PCDHA8: variants seen among roughly 807,000 people sequenced by gnomAD.
The protein encoded by PCDHA8 is protocadherin alpha 8, also known as protocadherin alpha-8.
Under a neutral mutation model 61.8 loss-of-function variants are expected in PCDHA8, and 53 were observed. The ratio of observed to expected loss-of-function variants is 0.86; its 90% CI spans 0.69 to 1.08. The LOEUF is 1.08. Among genes scored for constraint, PCDHA8 ranks in the 50% least tolerant of loss-of-function variants. The pLI is 0.00. For missense variants in PCDHA8, 1,293 were observed against 1,245.0 expected, an observed-to-expected ratio of 1.04 and a Z score of -0.58; for synonymous variants, 618 against 556.6, an observed-to-expected ratio of 1.11 and a Z score of -1.55.
At chr5:140,956,565 A>G (rs190736286) in intron 1 of PCDHA8, among the ~76,000 whole-genome samples, 2 of 152,284 alleles carry the variant, frequency 1.3e-5, no homozygotes, top group Non-Finnish European at 2.9e-5. Flanking sequence ...TATCTTATTG[A>G]GGATTTTTGC....
At chr5:140,925,966 A>G (rs782294082) in intron 1 of PCDHA8, among the ~76,000 whole-genome samples, 2 of 149,366 alleles carry the variant, frequency 1.3e-5, no homozygotes, top group Non-Finnish European at 3.0e-5. Flanking sequence ...CTATCACGCA[A>G]AAAAAAAGCC....
At chr5:140,975,208 G>A (rs1449804050) in intron 1 of PCDHA8, among the ~76,000 whole-genome samples, 1 of 152,170 alleles carries the variant, frequency 6.6e-6, no homozygotes, top group African/African-American at 2.4e-5. Context: ...TTCATGGCTG[G>A]CACTGGAGAA....
intron 1 of PCDHA8, among the ~76,000 whole-genome samples, chr5:140,948,234 T>G (rs1011132417): frequency 6.6e-6 from 1 of 151,670 alleles, no homozygotes; most frequent in African/African-American, 2.4e-5. Flanking sequence ...TTAACTTGTA[T>G]TTTAGTAAAT....
At position 141,011,042 on chromosome 5, in the gene PCDHA8, T is replaced by G. The variant is rs915588789; in HGVS notation, c.*1105T>G. 6.5e-6 allele frequency: 1 copy of G among 153,796 alleles called. No individual in the cohort carries two copies. The highest frequency in any genetic ancestry group is 2.4e-5 in the African/African-American group (1 of 41,464). The allele number at this position is 153,796 out of a possible 1,614,324, so 9.5% of individuals were successfully genotyped here. A position where few individuals can be genotyped will look rare whatever the true frequency, so the allele number is the denominator to read the frequency against. On this transcript the variant is annotated 3_prime_UTR_variant, in exon 4 of 4. Transcript: ENST00000531613. ...TCACAGCTTTACTCTTTCAGGTCACTCTGGGGCTGCCTCTTGCATGTATTA... is the reference window on the plus strand; with the variant it reads ...TCACAGCTTTACTCTTTCAGGTCACGCTGGGGCTGCCTCTTGCATGTATTA...
chr5:140,929,995 C>A (rs543771321), intron 1 of PCDHA8: 1 of 152,108 alleles, frequency 6.6e-6, no homozygotes, highest in Admixed American at 6.5e-5. Context: ...GGAATGACAC[C>A]CTAAAACATA....
intron 1 of PCDHA8, among the ~76,000 whole-genome samples, chr5:140,933,797 A>G (rs1419925900): frequency 6.6e-6 from 1 of 152,062 alleles, no homozygotes; most frequent in African/African-American, 2.4e-5. Context: ...GAAAATTTTA[A>G]TTGAGATCAA....
chr5:140,953,131 C>T (rs1554220819), intron 1 of PCDHA8, among the ~76,000 whole-genome samples: 1 of 152,158 alleles, frequency 6.6e-6, no homozygotes, highest in African/African-American at 2.4e-5. Context: ...TAAACCGTAT[C>T]ACTGTTATAT....
intron 1 of PCDHA8, chr5:140,860,473 G>A (rs534132649): frequency 6.6e-6 from 1 of 152,258 alleles, no homozygotes; most frequent in South Asian, 2.1e-4. Flanking sequence ...AGTTGGTGCA[G>A]TAGTACTTTA....
At chr5:140,849,947 G>C in intron 1 of PCDHA8, 1 of 1,597,838 alleles carries the variant, frequency 6.3e-7, no homozygotes, top group East Asian at 2.2e-5. Context: ...ACGCTGACGC[G>C]CAGGAGAACG....
intron 3 of PCDHA8, among the ~76,000 whole-genome samples, chr5:140,994,709 A>C (rs1436733940): frequency 6.6e-6 from 1 of 152,166 alleles, no homozygotes; most frequent in Non-Finnish European, 1.5e-5. Flanking sequence ...TGTCTCAAAA[A>C]AAAATTTAAA....
chr5:141,000,393 C>CTATAAATATATA (rs1563650230), intron 3 of PCDHA8, among the ~76,000 whole-genome samples: 1 of 52,856 alleles, frequency 1.9e-5, no homozygotes, highest in African/African-American at 9.2e-5. Flanking sequence ...CTCTCTCTCT[C>CTATAAATATATA]TCTATATATA....
intron 1 of PCDHA8, chr5:140,969,509 C>A: frequency 7.1e-7 from 1 of 1,416,136 alleles, no homozygotes; most frequent in Non-Finnish European, 9.4e-7. Context: ...AAAAATAGCA[C>A]TAAAGAATTG....
intron 2 of PCDHA8, 83 bp from the exon 3 acceptor site, chr5:140,982,392 T>C: frequency 6.3e-7 from 1 of 1,598,158 alleles, no homozygotes. Context: ...GGCTTCATAG[T>C]TGTAAGCAAT....
rs184672024 is a variant in PCDHA8, at chr5:140,889,762, T to C, written c.2394+46047T>C. Among the ~76,000 whole-genome samples, 15 of 152,308 alleles carry C rather than the reference T, an allele frequency of 9.8e-5. No homozygotes were observed. The East Asian group carries it at 2.9e-3, about 29-fold the overall frequency. The stretch of plus-strand genomic sequence containing the variant: ...GAGTCTAATTTTTCTTTCCTTGAAC[T>C]TTGACTGGTCTTAATATTGGAAGTA... On this transcript the variant is annotated intron_variant, in intron 1 of 3. Coordinates refer to ENST00000531613, the MANE Select transcript of PCDHA8 (RefSeq NM_018911.3).
chr5:140,900,424 C>T (rs557118930), intron 1 of PCDHA8, among the ~76,000 whole-genome samples: 151 of 152,214 alleles, frequency 9.9e-4, no homozygotes, highest in African/African-American at 3.3e-3. Flanking sequence ...ATTATAGGCA[C>T]GTGCCACCAC....
chr5:140,922,131 TTATCC>T (rs2080656521), intron 1 of PCDHA8, among the ~76,000 whole-genome samples: 1 of 152,176 alleles, frequency 6.6e-6, no homozygotes, highest in South Asian at 2.1e-4. Context: ...TAAATGTCTC[TTATCC>T]TCCATGAAAC....
At chr5:140,987,232 A>G (rs1554248942) in intron 3 of PCDHA8, among the ~76,000 whole-genome samples, 1 of 151,894 alleles carries the variant, frequency 6.6e-6, no homozygotes, top group African/African-American at 2.4e-5. Flanking sequence ...AAAAAATAAT[A>G]AATAAAGAAA....
chr5:140,954,836 A>T (rs1185482098), intron 1 of PCDHA8, among the ~76,000 whole-genome samples: 1 of 152,086 alleles, frequency 6.6e-6, no homozygotes, highest in Non-Finnish European at 1.5e-5. Context: ...TTTGTCATGA[A>T]ATCTTTGCCT....
intron 1 of PCDHA8, among the ~76,000 whole-genome samples, chr5:140,909,495 G>A (rs532080413): frequency 7.2e-5 from 11 of 152,278 alleles, no homozygotes; most frequent in African/African-American, 2.6e-4. Context: ...AGCTGAACGG[G>A]GATGTGGTGG....
Sources: gnomAD v4.1 joint callset for allele counts (sites outside exome capture counted in the v4.1 genomes callset) on GRCh38, gnomAD v4.1.1 for gene constraint, MANE v1.5 for transcripts, NCBI Gene and HGNC (gene_info 2026-07-23, HGNC 2026-07-21) for gene names.